Variants in AHI1 observed in about 807,000 individuals in gnomAD.
AHI1 encodes the protein jouberin.
In AHI1, 123 loss-of-function variants were observed where a neutral mutation model predicts 149.3. That is an observed-to-expected ratio of 0.82 (90% CI 0.71 to 0.96). The LOEUF (loss-of-function observed/expected upper bound fraction) is 0.96, where lower values mean the gene tolerates loss of function less well. Ranked by LOEUF, AHI1 falls within the 40% of genes least tolerant of loss-of-function variation. The pLI is 0.00. For synonymous variants in AHI1, 475 were observed against 459.8 expected (o/e 1.03, Z -0.42); for missense variants, 1,439 against 1,422.7 (o/e 1.01, Z -0.18).
intron 23 of AHI1, among the ~76,000 whole-genome samples, chr6:135,386,128 A>C (rs6570004): frequency 1.3e-5 from 2 of 152,152 alleles, no homozygotes; most frequent in Admixed American, 1.3e-4. Context: ...GCTGAATACA[A>C]CAAGTGGTTT....
chr6:135,492,338 A>C, intron 3 of AHI1, 47 bp from the exon 4 acceptor site: 2 of 1,468,354 alleles, frequency 1.4e-6, no homozygotes, highest in Non-Finnish European at 1.8e-6. Flanking sequence ...CTTCCAAATA[A>C]AAATTATAAA....
intron 26 of AHI1, among the ~76,000 whole-genome samples, chr6:135,318,223 A>C (rs1236584130): frequency 1.3e-5 from 2 of 152,228 alleles, no homozygotes. Context: ...CAGTTAAAGA[A>C]ATAAGTGCAG....
intron 20 of AHI1, among the ~76,000 whole-genome samples, chr6:135,415,555 T>C (rs1275534667): frequency 6.6e-6 from 1 of 152,204 alleles, no homozygotes; most frequent in African/African-American, 2.4e-5. Flanking sequence ...ATGGTGGGAA[T>C]GTTAAATGTT....
intron 21 of AHI1, among the ~76,000 whole-genome samples, chr6:135,409,903 T>G (rs1445479068): frequency 5.9e-5 from 9 of 152,218 alleles, no homozygotes; most frequent in Admixed American, 5.9e-4. Context: ...GCTGGTCTCT[T>G]CTTTAACAAC....
intron 24 of AHI1, 54 bp from the exon 25 acceptor site, chr6:135,323,378 A>T: frequency 1.9e-6 from 3 of 1,561,024 alleles, no homozygotes; most frequent in Non-Finnish European, 2.6e-6. Context: ...CACAGAGAAA[A>T]CCCCCAACAT....
rs201536255 is a variant in AHI1 at position 135,419,281 on chromosome 6, C to CA, written c.2765-7738dup. ...GAATCAACTATCTGCAAATTCCCTG[C>CA]AGTACATGCTATTCTGCTCTTGTTG... is the stretch of plus-strand genomic sequence containing the variant. On this transcript the variant is annotated intron_variant, in intron 20 of 28. Transcript: ENST00000265602. Among the ~76,000 whole-genome samples, 922 of 152,204 alleles carry CA rather than the reference C, an allele frequency of 6.1e-3. 15 individuals carry two copies. Among genetic ancestry groups the CA allele is most frequent in the African/African-American group, 0.02 (843 of 41,546 alleles).
chr6:135,432,675 T>A (rs1329411343), intron 16 of AHI1, among the ~76,000 whole-genome samples: 1 of 152,148 alleles, frequency 6.6e-6, no homozygotes, highest in Non-Finnish European at 1.5e-5. Flanking sequence ...TATATCAAGA[T>A]AAAACTTTAA....
At chr6:135,484,146 G>T (rs1230730295) in intron 5 of AHI1, among the ~76,000 whole-genome samples, 1 of 152,146 alleles carries the variant, frequency 6.6e-6, no homozygotes, top group Non-Finnish European at 1.5e-5. Context: ...ATCAGATCTT[G>T]TAAGACTTAT....
At chr6:135,391,700 C>T (rs766856065) in intron 23 of AHI1, among the ~76,000 whole-genome samples, 1 of 152,128 alleles carries the variant, frequency 6.6e-6, no homozygotes, top group Non-Finnish European at 1.5e-5. Context: ...CCATACCAAG[C>T]TCTCTTCTAA....
At chr6:135,299,625 G>A (rs1783598241) in intron 27 of AHI1, among the ~76,000 whole-genome samples, 1 of 152,162 alleles carries the variant, frequency 6.6e-6, no homozygotes, top group African/African-American at 2.4e-5. Context: ...TGAGAAATAT[G>A]TTGGGAATGT....
At position 135,442,884 on chromosome 6, in the gene AHI1, A is replaced by G. The variant is rs569644394; in HGVS notation, c.1780-170T>C. On this transcript the variant is annotated intron_variant, in intron 13 of 28. Coordinates refer to ENST00000265602, the MANE Select transcript of AHI1 (RefSeq NM_001134831.2). ...TAGTAAATTGCTTTGTAAAAAGAGA[A>G]TCAGTGTCCATGAAATTTTTAAAGT... Among the ~76,000 whole-genome samples the G allele has an allele frequency of 2.2e-4, 33 of 152,314 alleles. No individual in the cohort carries two copies. The Middle Eastern group carries it at 0.014, about 63-fold the overall frequency.
rs918564241 is a variant in AHI1 at position 135,446,968 on chromosome 6, G to A, written c.1779+40C>T. 8 of 1,572,560 alleles carry A rather than the reference G, an allele frequency of 5.1e-6. No homozygotes were observed. In the African/African-American group the frequency reaches 8.2e-5, roughly 16 times the overall value. The stretch of plus-strand genomic sequence containing the variant: ...GTTATTGGAGTTTTTAAGGTAATAA[G>A]TAAACATCTAAATAAATCCACTATT... On this transcript the variant is annotated intron_variant, in intron 13 of 28. Coordinates refer to ENST00000265602, the MANE Select transcript of AHI1 (RefSeq NM_001134831.2).
chr6:135,302,247 TAA>T, intron 26 of AHI1: 1 of 985,496 alleles, frequency 1.0e-6, no homozygotes, highest in Non-Finnish European at 1.2e-6. Flanking sequence ...TGAAACTTGA[TAA>T]AACTTTTCAA....
intron 22 of AHI1, among the ~76,000 whole-genome samples, chr6:135,403,050 A>C (rs1780248116): frequency 6.6e-6 from 1 of 152,192 alleles, no homozygotes; most frequent in South Asian, 2.1e-4. Context: ...ACTACATACC[A>C]TCTGACTCCA....
At chr6:135,331,081 T>A (rs1442398786) in intron 24 of AHI1, among the ~76,000 whole-genome samples, 1 of 152,220 alleles carries the variant, frequency 6.6e-6, no homozygotes, top group Admixed American at 6.5e-5. Flanking sequence ...TTCTTGACCA[T>A]TCTTTTGATG....
intron 25 of AHI1, among the ~76,000 whole-genome samples, chr6:135,321,903 G>A (rs929258900): frequency 8.6e-5 from 13 of 152,022 alleles, no homozygotes; most frequent in African/African-American, 3.1e-4. Context: ...CCGGGTTCAC[G>A]CGATTCTCCC....
At chr6:135,489,459 T>C (rs1794937658) in intron 5 of AHI1, among the ~76,000 whole-genome samples, 1 of 152,212 alleles carries the variant, frequency 6.6e-6, no homozygotes, top group Non-Finnish European at 1.5e-5. Context: ...ATAAAACATC[T>C]CTGCAGACAA....
intron 24 of AHI1, among the ~76,000 whole-genome samples, chr6:135,329,183 G>A (rs1788158344): frequency 6.6e-6 from 1 of 152,164 alleles, no homozygotes; most frequent in African/African-American, 2.4e-5. Context: ...AATGAAGGTG[G>A]CTATACTAAA....
intron 23 of AHI1, among the ~76,000 whole-genome samples, chr6:135,374,081 CATATATATAT>C (rs1180224509): frequency 4.6e-3 from 231 of 50,294 alleles, no homozygotes; most frequent in Middle Eastern, 0.01. Flanking sequence ...TTTATATATA[CATATATATAT>C]ATATATATAT....
Sources: allele counts gnomAD v4.1 joint callset (sites outside exome capture counted in the v4.1 genomes callset), GRCh38; gene constraint gnomAD v4.1.1; transcripts MANE v1.5; gene names NCBI Gene and HGNC (gene_info 2026-07-23, HGNC 2026-07-21).